The following ZNF385D variants were observed in gnomAD, a reference collection of about 807,000 sequenced individuals.
The protein encoded by ZNF385D is zinc finger protein 385D.
ZNF385D carries 15 observed loss-of-function variants against 35.8 expected under a neutral mutation model. The observed-to-expected ratio is 0.42, with a 90% CI of 0.28 to 0.64. The LOEUF (loss-of-function observed/expected upper bound fraction) is 0.64. Ranked by LOEUF, ZNF385D falls within the 30% of genes least tolerant of loss-of-function variation. The pLI, the probability that ZNF385D is intolerant of heterozygous loss-of-function variation, is 0.23. For synonymous variants in ZNF385D, 212 were observed against 186.8 expected (o/e 1.13, Z -1.10); for missense variants, 474 against 494.6 (o/e 0.96, Z 0.39).
At chr3:21,549,060 C>T (rs1024918957) in intron 3 of ZNF385D, among the ~76,000 whole-genome samples, 10 of 152,104 alleles carry the variant, frequency 6.6e-5, no homozygotes, top group Non-Finnish European at 1.3e-4. Context: ...ATCTACTGGT[C>T]ACATGTAAAG....
In ZNF385D at chr3:21,537,961, G is replaced by A. The variant is rs1406086509; in HGVS notation, c.276+26613C>T. 1.3e-4 allele frequency among the ~76,000 whole-genome samples: 20 copies of A among 152,172 alleles called. 1 individual carries two copies. ...ACAGATGAGAGACAATGGTGGCTTG[G>A]ACCAAAGGGGTGGCATGAAGATGGT... is the stretch of plus-strand genomic sequence containing the variant. On this transcript the variant is annotated intron_variant, in intron 3 of 7. Coordinates refer to ENST00000281523, the MANE Select transcript of ZNF385D (RefSeq NM_024697.3).
At chr3:21,831,040 C>T (rs1011570138) in intron 3 of ZNF385D, among the ~76,000 whole-genome samples, 1 of 152,044 alleles carries the variant, frequency 6.6e-6, no homozygotes, top group Admixed American at 6.6e-5. Flanking sequence ...AGTTTATGTA[C>T]CCAGCGAGAC....
intron 3 of ZNF385D, among the ~76,000 whole-genome samples, chr3:21,986,614 T>A (rs1443893893): frequency 4.7e-5 from 7 of 148,884 alleles, no homozygotes; most frequent in Admixed American, 2.6e-4. Flanking sequence ...GGAATAGGTG[T>A]GGTGTGGTGC....
At chr3:21,776,797 T>C (rs982417180) in intron 3 of ZNF385D, among the ~76,000 whole-genome samples, 4 of 151,954 alleles carry the variant, frequency 2.6e-5, no homozygotes, top group Non-Finnish European at 5.9e-5. Context: ...CATTATTCTT[T>C]ACGGCTACCA....
At chr3:21,760,266 T>C (rs1025926012) in intron 3 of ZNF385D, among the ~76,000 whole-genome samples, 1 of 152,208 alleles carries the variant, frequency 6.6e-6, no homozygotes, top group Non-Finnish European at 1.5e-5. Context: ...ACCATTTAAC[T>C]GCAGCGTTAC....
Position 22,117,215 on chromosome 3 carries a change from G to C in ZNF385D, c.325+51602C>G, listed in dbSNP as rs535417391. Among the ~76,000 whole-genome samples, 73 of 152,084 alleles carry C rather than the reference G, an allele frequency of 4.8e-4. 2 individuals are homozygous for C. Among genetic ancestry groups the C allele is most frequent in the Admixed American group, 3.2e-3 (49 of 15,242 alleles). On this transcript the variant is annotated intron_variant, in intron 3 of 5. Transcript: ENST00000494108. ...TAAATATTTTAAATTATTACAAGTA[G>C]AAGTGTGCTTTGGCTCTCATAGGAT...
rs574382047 is a variant in ZNF385D, at chr3:21,670,705, G to T, written c.23-5677C>A. ...TGAACGAATCCCCTTTGGCCAAGGA[G>T]AACCCAAAGAAACCTTGAAAACTGA... is the stretch of plus-strand genomic sequence containing the variant. On this transcript the variant is annotated intron_variant, in intron 1 of 7. Coordinates refer to ENST00000281523, the MANE Select transcript of ZNF385D (RefSeq NM_024697.3). Among the ~76,000 whole-genome samples, 2 of 103,402 alleles carry T rather than the reference G, an allele frequency of 1.9e-5. 1 individual carries two copies. Among genetic ancestry groups the T allele is most frequent in the South Asian group, 6.6e-4 (2 of 3,014 alleles). 67.8% of individuals were successfully genotyped at this position (103,402 alleles called of 152,430 possible). A position where few individuals can be genotyped will look rare whatever the true frequency, so the allele number is the denominator to read the frequency against.
At chr3:21,829,291 G>A (rs1274465607) in intron 3 of ZNF385D, among the ~76,000 whole-genome samples, 1 of 152,126 alleles carries the variant, frequency 6.6e-6, no homozygotes, top group Non-Finnish European at 1.5e-5. Context: ...GAGGTGGCCA[G>A]AAAAAGTCTC....
chr3:22,278,605 G>A (rs1701555735), intron 2 of ZNF385D, among the ~76,000 whole-genome samples: 1 of 151,960 alleles, frequency 6.6e-6, no homozygotes, highest in South Asian at 2.1e-4. Flanking sequence ...TCACATTCCT[G>A]CATCAGCCAA....
At chr3:21,426,534 G>C (rs1701034725) in intron 5 of ZNF385D, among the ~76,000 whole-genome samples, 1 of 151,834 alleles carries the variant, frequency 6.6e-6, no homozygotes, top group Admixed American at 6.6e-5. Flanking sequence ...TTTTTTTTTA[G>C]AGTTGATAAG....
chr3:21,909,447 T>G, intron 3 of ZNF385D, among the ~76,000 whole-genome samples: 1 of 152,094 alleles, frequency 6.6e-6, no homozygotes, highest in East Asian at 1.9e-4. Context: ...GCCTGTTCTC[T>G]CAGCTTATGT....
chr3:22,164,443 G>T (rs1031961321), intron 3 of ZNF385D, among the ~76,000 whole-genome samples: 4 of 151,412 alleles, frequency 2.6e-5, no homozygotes, highest in Non-Finnish European at 4.4e-5. Flanking sequence ...TTGCCAGGAT[G>T]GTCTCGATCT....
chr3:21,562,325 T>A (rs2125640084), intron 3 of ZNF385D, among the ~76,000 whole-genome samples: 1 of 152,304 alleles, frequency 6.6e-6, no homozygotes, highest in African/African-American at 2.4e-5. Context: ...TTCTAAAGCA[T>A]GTCTGACAAT....
chr3:21,536,950 G>C (rs2062048989), intron 3 of ZNF385D, among the ~76,000 whole-genome samples: 1 of 151,660 alleles, frequency 6.6e-6, no homozygotes, highest in Non-Finnish European at 1.5e-5. Flanking sequence ...GTGCACTCAA[G>C]GTATAGTAAC....
intron 2 of ZNF385D, among the ~76,000 whole-genome samples, chr3:22,210,960 G>A (rs1341651197): frequency 1.3e-5 from 2 of 151,918 alleles, no homozygotes; most frequent in African/African-American, 2.4e-5. Context: ...ACTAAAAAAT[G>A]ATATTCCTTA....
At chr3:21,693,770 A>G (rs570360053) in intron 1 of ZNF385D, among the ~76,000 whole-genome samples, 1 of 152,264 alleles carries the variant, frequency 6.6e-6, no homozygotes, top group African/African-American at 2.4e-5. Flanking sequence ...TGTTTTATGA[A>G]TTTAAAAAAT....
At chr3:21,547,558 C>T (rs11928376) in intron 3 of ZNF385D, among the ~76,000 whole-genome samples, 25,724 of 151,752 alleles carry the variant, frequency 0.17, 2,375 homozygotes, top group African/African-American at 0.24. Flanking sequence ...TAGCAGAAAG[C>T]AGTTAAGATC....
intron 2 of ZNF385D, among the ~76,000 whole-genome samples, chr3:22,333,063 T>A (rs945008537): frequency 6.6e-6 from 1 of 152,170 alleles, no homozygotes; most frequent in African/African-American, 2.4e-5. Context: ...GTCCTGAATA[T>A]TATTTTTGTT....
chr3:22,099,313 G>C (rs1247034943), intron 3 of ZNF385D, among the ~76,000 whole-genome samples: 1 of 152,068 alleles, frequency 6.6e-6, no homozygotes, highest in Non-Finnish European at 1.5e-5. Flanking sequence ...ATAACTTGAG[G>C]AAAGGGCTGA....
Sources: gnomAD v4.1 joint callset for allele counts (sites outside exome capture counted in the v4.1 genomes callset) on GRCh38, gnomAD v4.1.1 for gene constraint, MANE v1.5 for transcripts, NCBI Gene and HGNC (gene_info 2026-07-23, HGNC 2026-07-21) for gene names.